SCEL: variants seen among roughly 807,000 people sequenced by gnomAD.
The protein encoded by SCEL is sciellin.
In SCEL, 113 loss-of-function variants were observed where a neutral mutation model predicts 117.6. The observed-to-expected ratio is 0.96, with a 90% CI of 0.83 to 1.12. The LOEUF is 1.12. Among genes scored for constraint, SCEL ranks in the 50% most tolerant of loss-of-function variants. The pLI is 0.00. For missense variants in SCEL, 785 were observed against 810.8 expected, an observed-to-expected ratio of 0.97 and a Z score of 0.39; for synonymous variants, 270 against 256.2, an observed-to-expected ratio of 1.05 and a Z score of -0.51.
At chr13:77,637,028 T>G in intron 29 of SCEL, 92 bp from the exon 30 acceptor site, 1 of 568,072 alleles carries the variant, frequency 1.8e-6, no homozygotes, top group Non-Finnish European at 3.1e-6. Context: ...AGATAAAATA[T>G]TATGAGGCTT....
intron 30 of SCEL, among the ~76,000 whole-genome samples, chr13:77,638,502 A>G (rs535332392): frequency 1.3e-5 from 2 of 152,334 alleles, no homozygotes; most frequent in East Asian, 3.9e-4. Flanking sequence ...TAAGGGAGGA[A>G]AACATTCTCC....
intron 4 of SCEL, among the ~76,000 whole-genome samples, chr13:77,560,517 A>G (rs904949615): frequency 6.6e-5 from 10 of 152,176 alleles, no homozygotes; most frequent in African/African-American, 2.4e-4. Flanking sequence ...AAATACAGAA[A>G]TAACAACTAC....
At chr13:77,536,360 C>T (rs918854269) in intron 1 of SCEL, among the ~76,000 whole-genome samples, 1 of 152,094 alleles carries the variant, frequency 6.6e-6, no homozygotes, top group Non-Finnish European at 1.5e-5. Context: ...TGTCTCCACC[C>T]TATCTTCCCC....
intron 31 of SCEL, among the ~76,000 whole-genome samples, chr13:77,641,317 G>A (rs143733568): frequency 6.6e-6 from 1 of 152,248 alleles, no homozygotes; most frequent in Non-Finnish European, 1.5e-5. Context: ...TGCTTTCATA[G>A]GACGTTTCTT....
At chr13:77,567,360 A>G (rs1047210421) in intron 5 of SCEL, among the ~76,000 whole-genome samples, 30 of 152,304 alleles carry the variant, frequency 2.0e-4, no homozygotes, top group African/African-American at 7.2e-4. Context: ...AGGCTGAGGC[A>G]GTAGAATAGC....
intron 5 of SCEL, among the ~76,000 whole-genome samples, chr13:77,567,038 A>G (rs1025651356): frequency 1.6e-4 from 25 of 152,370 alleles, no homozygotes; most frequent in African/African-American, 6.0e-4. Context: ...TAGTTCATTG[A>G]TGCCTTTTAC....
chr13:77,637,302 A>C, intron 30 of SCEL, 108 bp downstream of exon 30: 1 of 175,480 alleles, frequency 5.7e-6, no homozygotes, highest in African/African-American at 2.6e-5. Flanking sequence ...ATATATAAAT[A>C]TATATACATA....
chr13:77,563,736 A>G (rs995598728), intron 4 of SCEL, 95 bp from the exon 5 acceptor site: 18 of 849,978 alleles, frequency 2.1e-5, no homozygotes, highest in Non-Finnish European at 2.9e-5. Context: ...CTACTGAAAT[A>G]GGTCAAAATA....
chr13:77,564,327 A>G (rs931511992), intron 5 of SCEL, among the ~76,000 whole-genome samples: 5 of 152,102 alleles, frequency 3.3e-5, no homozygotes, highest in Non-Finnish European at 5.9e-5. Flanking sequence ...AATAGTTTCA[A>G]TCCACTCCAG....
intron 9 of SCEL, among the ~76,000 whole-genome samples, chr13:77,584,625 A>C (rs2086459734): frequency 6.6e-6 from 1 of 152,192 alleles, no homozygotes; most frequent in Non-Finnish European, 1.5e-5. Context: ...ACATAAGTAA[A>C]GCTTGGCACC....
At chr13:77,555,483 A>C (rs954467210) in intron 1 of SCEL, among the ~76,000 whole-genome samples, 1 of 152,100 alleles carries the variant, frequency 6.6e-6, no homozygotes, top group African/African-American at 2.4e-5. Context: ...CTCCCTCTTG[A>C]CTATGCCCAG....
intron 28 of SCEL, among the ~76,000 whole-genome samples, chr13:77,633,454 A>AC (rs1318717923): frequency 1.4e-5 from 2 of 143,750 alleles, no homozygotes; most frequent in Non-Finnish European, 1.5e-5. Flanking sequence ...AAAAAAAAAA[A>AC]AAAAAAAAAA....
At position 77,613,890 on chromosome 13, in the gene SCEL, T is replaced by A. The variant is rs1178256941; in HGVS notation, c.1389-3T>A. On this transcript the variant is annotated splice_region_variant and splice_polypyrimidine_tract_variant and intron_variant, in intron 23 of 32. Transcript: ENST00000349847. ...TTGCCGATTTCCTCTAATTTTGTTT[T>A]AGCAGTGAACAAGGTCTTGATGAAC... The A allele has an allele frequency of 1.4e-5, 23 of 1,612,954 alleles. No individual in the cohort carries two copies. Among genetic ancestry groups the A allele is most frequent in the Non-Finnish European group, 2.0e-5 (23 of 1,179,264 alleles).
chr13:77,631,658 A>G (rs745482320), intron 28 of SCEL, among the ~76,000 whole-genome samples: 3 of 152,176 alleles, frequency 2.0e-5, no homozygotes, highest in Admixed American at 1.3e-4. Context: ...TTTTAAAATT[A>G]TCATCCTCAA....
chr13:77,637,247 CACACAT>C, intron 30 of SCEL, 53 bp downstream of exon 30: 1 of 597,340 alleles, frequency 1.7e-6, no homozygotes, highest in South Asian at 2.2e-5. Flanking sequence ...CAGACACACA[CACACAT>C]ATATATATAT....
chr13:77,586,885 G>A (rs1567382800), intron 9 of SCEL, among the ~76,000 whole-genome samples: 1 of 151,924 alleles, frequency 6.6e-6, no homozygotes, highest in Non-Finnish European at 1.5e-5. Context: ...TGTAAAATGG[G>A]AAGAAGAATA....
intron 12 of SCEL, among the ~76,000 whole-genome samples, chr13:77,595,765 T>G (rs917930571): frequency 1.3e-5 from 2 of 152,086 alleles, no homozygotes; most frequent in African/African-American, 4.8e-5. Flanking sequence ...CATTAATTTT[T>G]TTGTTGTTGT....
chr13:77,599,399 C>T lies in SCEL; in HGVS notation c.857+11C>T. The T allele has an allele frequency of 6.2e-7, 1 of 1,606,934 alleles. No individual in the cohort carries two copies. The highest frequency in any genetic ancestry group is 8.5e-7 in the Non-Finnish European group (1 of 1,174,402). On this transcript the variant is annotated intron_variant, in intron 14 of 32. Coordinates refer to ENST00000349847, the MANE Select transcript of SCEL (RefSeq NM_144777.3). ...AGAAAGAGAGAAAAGGTAAGTGCAT[C>T]TGTCTCAAATATGAAAATCTTACCT... is the stretch of plus-strand genomic sequence containing the variant.
chr13:77,570,862 T>C (rs2085559923), intron 8 of SCEL, among the ~76,000 whole-genome samples: 2 of 152,074 alleles, frequency 1.3e-5, no homozygotes, highest in Admixed American at 1.3e-4. Context: ...TTTTCTTTTT[T>C]CTTTTTCTTT....
Sources: allele counts gnomAD v4.1 joint callset (sites outside exome capture counted in the v4.1 genomes callset), GRCh38; gene constraint gnomAD v4.1.1; transcripts MANE v1.5; gene names NCBI Gene and HGNC (gene_info 2026-07-23, HGNC 2026-07-21).